Variants in ACAT2 observed in about 807,000 individuals in gnomAD.
The protein encoded by ACAT2 is acetyl-CoA acetyltransferase, cytosolic.
In ACAT2, 26 loss-of-function variants were observed where a neutral mutation model predicts 37.1. The observed-to-expected ratio is 0.70, with a 90% confidence interval of 0.51 to 0.97. The LOEUF is 0.97. Among genes scored for constraint, ACAT2 ranks in the 50% least tolerant of loss-of-function variants. ACAT2 has a pLI of 0.00. For synonymous variants in ACAT2, 156 were observed against 163.6 expected (o/e 0.95, Z 0.35); for missense variants, 468 against 489.0 (o/e 0.96, Z 0.40).
At chr6:159,769,868 C>T (rs1023534294) in intron 4 of ACAT2, among the ~76,000 whole-genome samples, 1 of 152,122 alleles carries the variant, frequency 6.6e-6, no homozygotes, top group African/African-American at 2.4e-5. Flanking sequence ...AAAAGGTTCC[C>T]CTTAAGTCTT....
intron 7 of ACAT2, 97 bp from the exon 8 acceptor site, chr6:159,778,073 C>T (rs1780463412): frequency 1.3e-6 from 1 of 754,402 alleles, no homozygotes; most frequent in Non-Finnish European, 2.1e-6. Flanking sequence ...TAGCAGTTAC[C>T]AGTATCATGC....
chr6:159,775,947 C>T, intron 5 of ACAT2: 1 of 495,260 alleles, frequency 2.0e-6, no homozygotes, highest in Non-Finnish European at 3.5e-6. Context: ...ACACAGGTGT[C>T]TCATAAGGAC....
intron 2 of ACAT2, among the ~76,000 whole-genome samples, chr6:159,763,345 A>C (rs1165285120): frequency 6.6e-6 from 1 of 151,712 alleles, no homozygotes; most frequent in Non-Finnish European, 1.5e-5. Context: ...TTGAGTCCAG[A>C]AGTTTGAGAC....
chr6:159,777,276 G>A, intron 6 of ACAT2, 26 bp from the exon 7 acceptor site: 1 of 1,603,506 alleles, frequency 6.2e-7, no homozygotes, highest in Non-Finnish European at 8.5e-7. Context: ...AAGCATGGTA[G>A]AAATTAAGTC....
At chr6:159,767,290 A>G in intron 3 of ACAT2, 104 bp downstream of exon 3, 1 of 1,215,270 alleles carries the variant, frequency 8.2e-7, no homozygotes, top group South Asian at 1.4e-5. Context: ...GGAACCAAAC[A>G]GTGAACAAAT....
At chr6:159,775,045 C>T (rs2114983555) in intron 4 of ACAT2, 125 bp from the exon 5 acceptor site, 1 of 1,129,120 alleles carries the variant, frequency 8.9e-7, no homozygotes, top group Non-Finnish European at 1.2e-6. Context: ...CAGAGCATTG[C>T]ACAGGCCACC....
intron 7 of ACAT2, among the ~76,000 whole-genome samples, chr6:159,777,762 T>C (rs1780452201): frequency 1.3e-5 from 2 of 152,130 alleles, no homozygotes; most frequent in Non-Finnish European, 2.9e-5. Flanking sequence ...CCCAGGCTGG[T>C]TTTGAACTCC....
Position 159,778,818 on chromosome 6 carries a change from C to CAG in ACAT2, c.1189_1190dup (p.Ter398AsnfsTer7). The CAG allele has an allele frequency of 6.2e-7, 1 of 1,614,130 alleles. No individual in the cohort carries two copies. Among genetic ancestry groups the CAG allele is most frequent in the Non-Finnish European group, 8.5e-7 (1 of 1,180,022 alleles). On this transcript the variant is annotated frameshift_variant, in exon 9 of 9. Transcript: ENST00000367048. LOFTEE classifies it high-confidence loss of function. ...TGGGATGGGAATAGCAATGTGTGTT[C>CAG]AGAGAGAATGAATTGCTTAAACTTT...
At position 159,778,462 on chromosome 6, in the gene ACAT2, C is replaced by CT. The variant is rs1297232609; in HGVS notation, c.1023+184dup. The stretch of plus-strand genomic sequence containing the variant: ...AAAAAAAAAAAAAGACATTGGCTTA[C>CT]TTGGCATAAAAGGAACGAGGTAAGA... On this transcript the variant is annotated intron_variant, in intron 8 of 8. Transcript: ENST00000367048. 3 of 560,282 alleles carry CT rather than the reference C, an allele frequency of 5.4e-6. No individual in the cohort carries two copies. In the East Asian group the frequency reaches 1.2e-4, roughly 22 times the overall value. The allele number at this position is 560,282 out of a possible 1,614,324, so 34.7% of individuals were successfully genotyped here. A position where few individuals can be genotyped will look rare whatever the true frequency, so the allele number is the denominator to read the frequency against.
At position 159,778,886 on chromosome 6, in the gene ACAT2, G is replaced by A; in HGVS notation, c.*57G>A. The A allele has an allele frequency of 6.2e-7, 1 of 1,605,946 alleles. No individual in the cohort carries two copies. Among genetic ancestry groups the A allele is most frequent in the Non-Finnish European group, 8.5e-7 (1 of 1,174,554 alleles). On this transcript the variant is annotated 3_prime_UTR_variant, in exon 9 of 9. Coordinates refer to ENST00000367048, the MANE Select transcript of ACAT2 (RefSeq NM_005891.3). ...TTTTAAACTAATAAAGTACTAGGTT[G>A]CAATATGTGAAATCAGAGGACCAAA...
intron 3 of ACAT2, 37 bp downstream of exon 3, chr6:159,767,223 C>A: frequency 6.2e-7 from 1 of 1,604,466 alleles, no homozygotes; most frequent in South Asian, 1.1e-5. Flanking sequence ...TCACTGACCT[C>A]ACACTGAGAA....
intron 2 of ACAT2, among the ~76,000 whole-genome samples, chr6:159,764,188 C>T (rs866081283): frequency 6.6e-6 from 1 of 152,100 alleles, no homozygotes; most frequent in Non-Finnish European, 1.5e-5. Flanking sequence ...CAAAGTGTCA[C>T]TCATTCAACA....
Position 159,767,059 on chromosome 6 carries a change from C to T in ACAT2, c.245C>T (p.Ser82Phe), listed in dbSNP as rs1562476554. The T allele has an allele frequency of 6.2e-7, 1 of 1,614,180 alleles. No individual in the cohort carries two copies. The highest frequency in any genetic ancestry group is 1.7e-5 in the Admixed American group (1 of 60,032). The change falls in exon 3 of 9, where the codon TCT (serine) becomes TTT (phenylalanine). Residue 82 changes from serine to phenylalanine, a missense_variant. Physicochemically the swap from Ser to Phe is radical, Grantham distance 155 (BLOSUM62 -2). Transcript: ENST00000367048. ...AGTGTGGGTGCAGGAATTCCCTACT[C>T]TGTTCCAGCATGGAGCTGCCAGATG... ...QASVGAGIPY[S>F]VPAWSCQMIC...
intron 2 of ACAT2, among the ~76,000 whole-genome samples, chr6:159,765,036 T>C (rs569047001): frequency 6.6e-6 from 1 of 152,238 alleles, no homozygotes; most frequent in Non-Finnish European, 1.5e-5. Context: ...GCAATGTTCA[T>C]ATCAGATAGA....
At chr6:159,770,659 A>G (rs1478712343) in intron 4 of ACAT2, among the ~76,000 whole-genome samples, 1 of 152,204 alleles carries the variant, frequency 6.6e-6, no homozygotes, top group Non-Finnish European at 1.5e-5. Flanking sequence ...AAAAAAAGAA[A>G]AAAAAATTCT....
At chr6:159,777,717 G>A (rs386707768) in intron 7 of ACAT2, among the ~76,000 whole-genome samples, 35 of 147,948 alleles carry the variant, frequency 2.4e-4, no homozygotes, top group African/African-American at 5.9e-4. Context: ...GGTGCACCAC[G>A]CCTTCTTCAT....
chr6:159,778,717 G>A lies in ACAT2; in HGVS notation c.1082G>A (p.Arg361Gln), dbSNP rs750378871. ...CACCCTCTTGGAGCATCTGGCTGTC[G>A]AATTCTTGTGACCCTGTTACACACA... ...LGHPLGASGC[R>Q]ILVTLLHTLE... The change falls in exon 9 of 9, where the codon CGA becomes CAA. Residue 361 changes from arginine to glutamine, a missense_variant. Coordinates refer to ENST00000367048, the MANE Select transcript of ACAT2 (RefSeq NM_005891.3). The A allele has an allele frequency of 9.3e-6, 15 of 1,614,112 alleles. No individual in the cohort carries two copies. Among genetic ancestry groups the A allele is most frequent in the Admixed American group, 8.3e-5 (5 of 60,014 alleles).
intron 1 of ACAT2, 96 bp downstream of exon 1, chr6:159,762,238 G>GA: frequency 7.0e-7 from 1 of 1,432,114 alleles, no homozygotes; most frequent in Non-Finnish European, 9.3e-7. Context: ...GGCGTATGTG[G>GA]AGGAAGCCGG....
At chr6:159,770,173 AAACTC>A (rs1780313602) in intron 4 of ACAT2, among the ~76,000 whole-genome samples, 1 of 152,246 alleles carries the variant, frequency 6.6e-6, no homozygotes, top group African/African-American at 2.4e-5. Context: ...TGTGGAAACA[AAACTC>A]AATATATTCT....
Sources: gnomAD v4.1 joint callset for allele counts (sites outside exome capture counted in the v4.1 genomes callset) on GRCh38, gnomAD v4.1.1 for gene constraint, MANE v1.5 for transcripts, NCBI Gene and HGNC (gene_info 2026-07-23, HGNC 2026-07-21) for gene names.